KCNN2: variants seen among roughly 807,000 people sequenced by gnomAD.
KCNN2 encodes the protein potassium calcium-activated channel subfamily N member 2.
KCNN2 carries 24 observed loss-of-function variants against 55.5 expected under a neutral mutation model. That is an observed-to-expected ratio of 0.43 (90% confidence interval 0.31 to 0.61). The LOEUF (loss-of-function observed/expected upper bound fraction) is 0.61, where lower values mean the gene tolerates loss of function less well. Ranked by LOEUF, KCNN2 falls within the 20% of genes least tolerant of loss-of-function variation. The pLI is 0.08. For missense variants in KCNN2, 754 were observed against 853.6 expected, an observed-to-expected ratio of 0.88 and a Z score of 1.45; for synonymous variants, 431 against 336.1, an observed-to-expected ratio of 1.28 and a Z score of -3.09.
At chr5:114,320,074 A>G (rs2150029068) in intron 2 of KCNN2, among the ~76,000 whole-genome samples, 1 of 152,312 alleles carries the variant, frequency 6.6e-6, no homozygotes, top group Middle Eastern at 3.4e-3. Flanking sequence ...ATTTTAACAC[A>G]TAAATAGAAA....
At chr5:114,359,735 G>T (rs892132144), upstream of KCNN2, among the ~76,000 whole-genome samples, 1 of 152,186 alleles carries the variant, frequency 6.6e-6, no homozygotes, top group Non-Finnish European at 1.5e-5. Context: ...TTGTAAGGAT[G>T]AATCAAACAT....
At chr5:114,417,068 G>A (rs1157855974) in intron 3 of KCNN2, among the ~76,000 whole-genome samples, 1 of 152,164 alleles carries the variant, frequency 6.6e-6, no homozygotes, top group Non-Finnish European at 1.5e-5. Context: ...GGTATTATTT[G>A]GAATAATACC....
chr5:114,211,065 T>C (rs1357023130), intron 1 of KCNN2, among the ~76,000 whole-genome samples: 1 of 152,020 alleles, frequency 6.6e-6, no homozygotes, highest in Non-Finnish European at 1.5e-5. Context: ...AAAAAACAGA[T>C]GGTTGCAAGG....
chr5:114,343,337 A>G (rs761196937), intron 2 of KCNN2, among the ~76,000 whole-genome samples: 2 of 152,172 alleles, frequency 1.3e-5, no homozygotes, highest in Non-Finnish European at 2.9e-5. Flanking sequence ...GTTCTTGTCT[A>G]TATCTCATTA....
At chr5:114,114,372 C>A (rs77257130) in intron 1 of KCNN2, among the ~76,000 whole-genome samples, 1 of 152,012 alleles carries the variant, frequency 6.6e-6, no homozygotes. Context: ...GGATGATAGT[C>A]ATGCACCACT....
intron 2 of KCNN2, among the ~76,000 whole-genome samples, chr5:114,279,927 G>A (rs886329532): frequency 2.6e-5 from 4 of 152,174 alleles, no homozygotes; most frequent in African/African-American, 9.7e-5. Context: ...CAGTGTAAAA[G>A]TGTTCCTATT....
chr5:114,472,719 T>C (rs1259695530), intron 4 of KCNN2, among the ~76,000 whole-genome samples: 4 of 152,224 alleles, frequency 2.6e-5, no homozygotes, highest in Non-Finnish European at 5.9e-5. Flanking sequence ...ATTTGTTATT[T>C]GTTCCTATTA....
At chr5:114,333,581 G>T (rs1756866235) in intron 2 of KCNN2, among the ~76,000 whole-genome samples, 1 of 150,986 alleles carries the variant, frequency 6.6e-6, no homozygotes, top group South Asian at 2.1e-4. Flanking sequence ...CATTTCTGTA[G>T]ATGGCAGTTA....
rs779621069 is a variant in KCNN2, at chr5:114,404,807, A to G, written c.1588A>G (p.Ser530Gly). ...CCCAGGAACTGTACTCTTGGTTTTT[A>G]GTATCTCATTATGGATAATTGCCGC... is the stretch of plus-strand genomic sequence containing the variant. Reference protein sequence around the residue: ...ICPGTVLLVFSISLWIIAAWT... With the variant: ...ICPGTVLLVFGISLWIIAAWT... Residue 530 changes from serine (S) to glycine (G), a missense_variant, in exon 3 of 8, where the codon AGT becomes GGT. Around this residue, in one of 4 missense-constraint regions of KCNN2, gnomAD observed 86 missense variants for 233.0 expected, o/e 0.37. Coordinates refer to ENST00000673685, the MANE Select transcript of KCNN2 (RefSeq NM_021614.4). 1.2e-6 allele frequency: 2 copies of G among 1,614,004 alleles called. No individual in the cohort carries two copies. The highest frequency in any genetic ancestry group is 3.3e-5 in the Admixed American group (2 of 60,016).
chr5:114,202,575 A>C (rs1162648192), intron 1 of KCNN2, among the ~76,000 whole-genome samples: 2 of 84,256 alleles, frequency 2.4e-5, no homozygotes, highest in South Asian at 4.1e-4. Context: ...GTGTATATAT[A>C]TATATATATA....
intron 2 of KCNN2, among the ~76,000 whole-genome samples, chr5:114,346,263 C>T (rs773927015): frequency 2.6e-5 from 4 of 152,144 alleles, no homozygotes; most frequent in African/African-American, 4.8e-5. Flanking sequence ...GAGAAATTTG[C>T]CTTCATGACG....
chr5:114,434,614 C>G (rs1315479959), intron 3 of KCNN2, among the ~76,000 whole-genome samples: 1 of 152,012 alleles, frequency 6.6e-6, no homozygotes, highest in African/African-American at 2.4e-5. Flanking sequence ...ATACAAGAGC[C>G]CTATTGATAT....
At chr5:114,485,881 A>C (rs1483349505) in intron 5 of KCNN2, among the ~76,000 whole-genome samples, 1 of 152,224 alleles carries the variant, frequency 6.6e-6, no homozygotes, top group Admixed American at 6.5e-5. Flanking sequence ...TAAAGTGAAA[A>C]ATATAAATAC....
At chr5:114,455,348 A>G (rs72801849) in intron 3 of KCNN2, among the ~76,000 whole-genome samples, 13,382 of 152,220 alleles carry the variant, frequency 0.088, 689 homozygotes, top group Middle Eastern at 0.13. Context: ...GATCTTTGAT[A>G]TTACAATTCT....
chr5:114,482,266 A>G (rs528508505), intron 5 of KCNN2, among the ~76,000 whole-genome samples: 4 of 152,346 alleles, frequency 2.6e-5, no homozygotes, highest in African/African-American at 9.6e-5. Flanking sequence ...CAACAAACTT[A>G]TGAAAAAATG....
intron 2 of KCNN2, among the ~76,000 whole-genome samples, chr5:114,294,479 C>T (rs1755965434): frequency 1.3e-5 from 2 of 152,280 alleles, no homozygotes; most frequent in South Asian, 4.2e-4. Flanking sequence ...GCAGGTTGTT[C>T]AGTTTCCATG....
intron 2 of KCNN2, among the ~76,000 whole-genome samples, chr5:114,331,635 T>G (rs1561574131): frequency 6.6e-6 from 1 of 152,206 alleles, no homozygotes; most frequent in Non-Finnish European, 1.5e-5. Flanking sequence ...CTCAAGTACT[T>G]TTGAAGCACT....
In KCNN2 at chr5:114,201,291, TTAA is replaced by T. The variant is rs138477828; in HGVS notation, c.-270-20172_-270-20170del. On this transcript the variant is annotated intron_variant, in intron 1 of 10. Coordinates refer to the KCNN2 transcript ENST00000512097. ...TAACCCACTAATAATATGTGGGTTA[TTAA>T]TAATAATAATAATAATGATAATAAC... 5.3e-3 allele frequency among the ~76,000 whole-genome samples: 811 copies of T among 151,700 alleles called. 5 individuals are homozygous for T. Among genetic ancestry groups the T allele is most frequent in the African/African-American group, 0.019 (766 of 41,340 alleles).
chr5:114,466,362 TCA>T (rs951718197), intron 4 of KCNN2, among the ~76,000 whole-genome samples: 2 of 152,130 alleles, frequency 1.3e-5, no homozygotes, highest in Admixed American at 6.6e-5. Flanking sequence ...TATGGTTAGA[TCA>T]CAGTGTCTAT....
Sources: gnomAD v4.1 joint callset for allele counts (sites outside exome capture counted in the v4.1 genomes callset) on GRCh38, gnomAD v4.1.1 for gene constraint, gnomAD v4.1.1 regional missense constraint, MANE v1.5 for transcripts, NCBI Gene and HGNC (gene_info 2026-07-23, HGNC 2026-07-21) for gene names.